ABR: variants seen among roughly 807,000 people sequenced by gnomAD.
ABR encodes ABR activator of RhoGEF and GTPase.
ABR carries 35 observed loss-of-function variants against 107.2 expected under a neutral mutation model. The observed-to-expected ratio is 0.33, with a 90% confidence interval of 0.25 to 0.43. The LOEUF (loss-of-function observed/expected upper bound fraction) is 0.43, where lower values mean the gene tolerates loss of function less well. ABR is among the 20% of genes least tolerant of loss of function. ABR has a pLI of 1.00. For synonymous variants in ABR, 498 were observed against 462.0 expected, an observed-to-expected ratio of 1.08 and a Z score of -1.00; for missense variants, 815 against 1,115.2, an observed-to-expected ratio of 0.73 and a Z score of 3.83.
chr17:1,102,019 C>T (rs961939386), intron 2 of ABR, among the ~76,000 whole-genome samples: 1 of 152,146 alleles, frequency 6.6e-6, no homozygotes, highest in Non-Finnish European at 1.5e-5. Context: ...AGGTGTGAGC[C>T]ACCGCACCCT....
intron 5 of ABR, among the ~76,000 whole-genome samples, chr17:1,080,981 G>T (rs945469096): frequency 6.6e-6 from 1 of 152,180 alleles, no homozygotes. Context: ...CCACCTGGCA[G>T]AAAGCCAGGG....
chr17:1,016,567 C>T (rs1397523631), intron 16 of ABR, among the ~76,000 whole-genome samples: 1 of 151,976 alleles, frequency 6.6e-6, no homozygotes, highest in Non-Finnish European at 1.5e-5. Flanking sequence ...CCACCTGCCT[C>T]GGCCTCCCAA....
intron 1 of ABR, among the ~76,000 whole-genome samples, chr17:1,152,042 C>A (rs1164349388): frequency 6.7e-6 from 1 of 149,892 alleles, no homozygotes; most frequent in Non-Finnish European, 1.5e-5. Flanking sequence ...GTAGTCCCAG[C>A]ACTTTGGGAG....
upstream of ABR, chr17:1,182,308 G>A (rs1376101186): frequency 1.3e-5 from 2 of 152,228 alleles, no homozygotes; most frequent in Admixed American, 1.3e-4. Context: ...AACCCACTCA[G>A]AGGGTAAGTG....
At chr17:1,058,104 G>C (rs1158294330) in intron 11 of ABR, 59 bp from the exon 12 acceptor site, 26 of 1,124,628 alleles carry the variant, frequency 2.3e-5, no homozygotes, top group Non-Finnish European at 3.2e-5. Flanking sequence ...CGTACTCCCA[G>C]ATCCTGGGGA....
chr17:1,102,485 C>A (rs973515066), intron 2 of ABR, among the ~76,000 whole-genome samples: 1 of 152,232 alleles, frequency 6.6e-6, no homozygotes, highest in African/African-American at 2.4e-5. Context: ...CTGAGCCACA[C>A]TGGAAGAAGA....
At chr17:1,131,949 ACCAAATGCAGTGCCTGCCACGCG>A (rs2039855690) in intron 1 of ABR, among the ~76,000 whole-genome samples, 1 of 68,360 alleles carries the variant, frequency 1.5e-5, no homozygotes, top group African/African-American at 5.9e-5. Flanking sequence ...CTCTTTGCAC[ACCAAATGCAGTGCCTGCCACGCG>A]CACAGCTCCC....
chr17:1,021,624 C>T (rs912271018), intron 16 of ABR, among the ~76,000 whole-genome samples: 63 of 151,096 alleles, frequency 4.2e-4, no homozygotes, highest in East Asian at 2.0e-3. Context: ...ACCAACGTGG[C>T]GAAACCCCGT....
intron 1 of ABR, among the ~76,000 whole-genome samples, chr17:1,176,449 G>A (rs1161856792): frequency 6.6e-6 from 1 of 152,200 alleles, no homozygotes; most frequent in Non-Finnish European, 1.5e-5. Flanking sequence ...TCAGCCATTT[G>A]TTACTTATGT....
Position 1,057,389 on chromosome 17 carries a change from T to G in ABR, c.1382-287A>C, listed in dbSNP as rs554066754. Among the ~76,000 whole-genome samples, 9 of 148,128 alleles carry G rather than the reference T, an allele frequency of 6.1e-5. No homozygotes were observed. In the South Asian group the frequency reaches 1.7e-3, roughly 28 times the overall value. ...GTGGTGTATGCGTTTTGTTTTCGTT[T>G]TTTTTTTAAACGGAGTCTCACTCTG... On this transcript the variant is annotated intron_variant, in intron 12 of 22. Transcript: ENST00000302538.
Position 1,179,835 on chromosome 17 carries a change from G to A in ABR, c.-108C>T. The A allele has an allele frequency of 8.4e-7, 1 of 1,184,782 alleles. No individual in the cohort carries two copies. Among genetic ancestry groups the A allele is most frequent in the Non-Finnish European group, 1.1e-6 (1 of 901,678 alleles). The allele number at this position is 1,184,782 out of a possible 1,614,324, so 73.4% of individuals were successfully genotyped here. On this transcript the variant is annotated 5_prime_UTR_variant, in exon 1 of 23. Transcript: ENST00000302538. The surrounding 1 kb of genome is among the most constrained non-coding windows in gnomAD (Gnocchi z 4.9). ...GCCGAAGTTGCGAGCGCGGAGGGGC[G>A]AGGAGGCCGGGAACCAGGTCCCCGG...
chr17:1,126,566 C>T (rs1030097042), intron 1 of ABR: 2 of 152,318 alleles, frequency 1.3e-5, no homozygotes, highest in African/African-American at 4.8e-5. Flanking sequence ...CTCCTACGCA[C>T]TGGACTGCCC....
intron 1 of ABR, among the ~76,000 whole-genome samples, chr17:1,170,260 A>G (rs1255195682): frequency 6.6e-6 from 1 of 152,016 alleles, no homozygotes; most frequent in South Asian, 2.1e-4. Flanking sequence ...CTAGCTAGAG[A>G]AATGAACCCA....
Position 1,005,073 on chromosome 17 carries a change from C to T in ABR, c.*1007G>A, listed in dbSNP as rs963081100. The T allele has an allele frequency of 1.5e-5, 6 of 398,798 alleles. No homozygotes were observed. The highest frequency in any genetic ancestry group is 4.1e-5 in the African/African-American group (2 of 48,640). The allele number at this position is 398,798 out of a possible 1,614,324, so 24.7% of individuals were successfully genotyped here. A position where few individuals can be genotyped will look rare whatever the true frequency, so the allele number is the denominator to read the frequency against. On this transcript the variant is annotated 3_prime_UTR_variant, in exon 23 of 23. Coordinates refer to ENST00000302538, the MANE Select transcript of ABR (RefSeq NM_021962.5). Reference sequence around the variant, plus strand: ...TCCTAAGAGCTGAGCTGCCTCCCCGCGACCCGGGACACCCAGCGTGGCATG... The same window carrying T: ...TCCTAAGAGCTGAGCTGCCTCCCCGTGACCCGGGACACCCAGCGTGGCATG...
At position 1,010,090 on chromosome 17, in the gene ABR, T is replaced by G; in HGVS notation, c.2237-306A>C. On this transcript the variant is annotated intron_variant, in intron 20 of 22. Transcript: ENST00000302538. This position sits in a 1 kb window ranked among gnomAD's most constrained non-coding sequence, Gnocchi z 4.1. ...TGTCTCGTAACAGGACACCCCCTGG[T>G]CTGTGTGGCTAAGGTTAAGCCAGTA... 2.0e-6 allele frequency: 1 copy of G among 492,700 alleles called. No individual in the cohort carries two copies. The highest frequency in any genetic ancestry group is 3.7e-6 in the Non-Finnish European group (1 of 269,942). 30.5% of individuals were successfully genotyped at this position (492,700 alleles called of 1,614,324 possible).
At chr17:1,133,641 G>C (rs563597680) in intron 1 of ABR, among the ~76,000 whole-genome samples, 3 of 152,248 alleles carry the variant, frequency 2.0e-5, no homozygotes, top group African/African-American at 7.2e-5. Context: ...AAAATCATTA[G>C]AGCCTTCCGA....
At chr17:1,040,836 C>T (rs561425102) in intron 16 of ABR, among the ~76,000 whole-genome samples, 10 of 152,224 alleles carry the variant, frequency 6.6e-5, no homozygotes, top group Non-Finnish European at 1.2e-4. Flanking sequence ...TCCCAACTAA[C>T]GATGGAGAAA....
intron 2 of ABR, among the ~76,000 whole-genome samples, chr17:1,114,308 A>G (rs574813061): frequency 6.6e-6 from 1 of 151,900 alleles, no homozygotes; most frequent in Non-Finnish European, 1.5e-5. Context: ...TGTCTCTACT[A>G]AAAATACAAA....
chr17:1,087,310 TG>T (rs1223933343), intron 4 of ABR, among the ~76,000 whole-genome samples: 9 of 149,498 alleles, frequency 6.0e-5, no homozygotes, highest in South Asian at 2.1e-4. Context: ...GAGGCTGGGG[TG>T]GGGGTAGGGG....
Sources: allele counts gnomAD v4.1 joint callset (sites outside exome capture counted in the v4.1 genomes callset), GRCh38; gene constraint gnomAD v4.1.1; non-coding constraint Gnocchi (gnomAD v3.1); transcripts MANE v1.5; gene names NCBI Gene and HGNC (gene_info 2026-07-23, HGNC 2026-07-21).